Variants in DNAH2 observed in about 807,000 individuals in gnomAD.
DNAH2 encodes the protein dynein axonemal heavy chain 2.
Under a neutral mutation model 523.5 loss-of-function variants are expected in DNAH2, and 323 were observed. The ratio of observed to expected loss-of-function variants is 0.62; its 90% CI spans 0.56 to 0.68. The LOEUF (loss-of-function observed/expected upper bound fraction) is 0.68. Ranked by LOEUF, DNAH2 falls within the 30% of genes least tolerant of loss-of-function variation. The probability of loss-of-function intolerance (pLI) is 0.00; values close to 1 mark genes in which losing one functional copy is unlikely to be tolerated. For synonymous variants in DNAH2, 2,093 were observed against 2,177.4 expected (o/e 0.96, Z 1.08); for missense variants, 4,907 against 5,701.5 (o/e 0.86, Z 4.49).
At chr17:7,751,167 G>T (rs576958942) in intron 12 of DNAH2, among the ~76,000 whole-genome samples, 2 of 149,830 alleles carry the variant, frequency 1.3e-5, no homozygotes, top group East Asian at 3.9e-4. Flanking sequence ...TTTTTGAGGG[G>T]GAGTCTTGCC....
intron 35 of DNAH2, among the ~76,000 whole-genome samples, chr17:7,778,956 A>T (rs181825605): frequency 6.6e-6 from 1 of 152,230 alleles, no homozygotes; most frequent in Non-Finnish European, 1.5e-5. Context: ...ATAAAGGATT[A>T]AAGAAAATAA....
Position 7,779,141 on chromosome 17 carries a change from CG to C in DNAH2, c.5542-101del. ...CCTCCCTGCCCCCTAGTCTGGAGGC[CG>C]CCTCGCCTATTGAAACATTTGAAGG... On this transcript the variant is annotated intron_variant, in intron 35 of 85. Transcript: ENST00000572933. The C allele has an allele frequency of 7.2e-6, 10 of 1,391,874 alleles. 1 individual carries two copies. In the South Asian group the frequency reaches 1.2e-4, roughly 17 times the overall value. 86.2% of individuals were successfully genotyped at this position (1,391,874 alleles called of 1,614,324 possible).
In DNAH2 at chr17:7,754,905, G is replaced by GGCT. The variant is rs2075793552; in HGVS notation, c.1905-2183_1905-2181dup. ...AGAAGGACAGGTGCCACCCACCCCG[G>GGCT]GCTGCCGTCTGCATGGGGCTGGGGT... On this transcript the variant is annotated intron_variant, in intron 12 of 85. Coordinates refer to ENST00000572933, the MANE Select transcript of DNAH2 (RefSeq NM_020877.5). The surrounding 1 kb of genome is among the most constrained non-coding windows in gnomAD (Gnocchi z 4.6). 1.7e-6 allele frequency: 1 copy of GGCT among 573,340 alleles called. No homozygotes were observed. The highest frequency in any genetic ancestry group is 2.4e-5 in the South Asian group (1 of 40,912). 35.5% of individuals were successfully genotyped at this position (573,340 alleles called of 1,614,324 possible). A position where few individuals can be genotyped will look rare whatever the true frequency, so the allele number is the denominator to read the frequency against.
rs1458133061 is a variant in DNAH2 at position 7,830,664 on chromosome 17, G to A, written c.12052G>A (p.Glu4018Lys). 1 of 1,613,896 alleles carries A rather than the reference G, an allele frequency of 6.2e-7. No homozygotes were observed. Among genetic ancestry groups the A allele is most frequent in the African/African-American group, 1.3e-5 (1 of 74,916 alleles). ...GFNDSDFEVS[E>K]NLLSLYLDEY... ...GGGCTGGGATCATGCCTAGGTGTCA[G>A]AAAACTTGCTGAGCCTCTATCTCGA... Residue 4018 changes from glutamate (E) to lysine (K), a missense_variant, in exon 79 of 86, where the codon GAA (glutamate) becomes AAA (lysine). By Grantham distance (56) the Glu-to-Lys change is moderately conservative. Transcript: ENST00000572933.
chr17:7,767,827 G>C, intron 22 of DNAH2, 73 bp from the exon 23 acceptor site: 1 of 1,597,902 alleles, frequency 6.3e-7, no homozygotes, highest in South Asian at 1.1e-5. Flanking sequence ...CGAGAGCAGC[G>C]AAGGGCCTGG....
rs190833848 is a variant in DNAH2, at chr17:7,771,753, A to G, written c.4501+285A>G. On this transcript the variant is annotated intron_variant, in intron 28 of 85. Transcript: ENST00000572933. ...TTTTTTTTGAGACAGAGTTTTGCAC[A>G]TTGCCCAGGCTGGAGTGCAGTGGTG... 8.5e-5 allele frequency among the ~76,000 whole-genome samples: 13 copies of G among 152,060 alleles called. No individual in the cohort carries two copies. In the East Asian group the frequency reaches 2.5e-3, roughly 29 times the overall value.
chr17:7,740,973 G>C lies in DNAH2; in HGVS notation c.1670G>C (p.Arg557Pro). ...CGCTGGGTGCACATCCTCCGGCGTC[G>C]CATCGACAGAGTCATGACCGTAAGT... ...KARWVHILRRRIDRVMTCLAG... is the reference protein window; with the variant it reads ...KARWVHILRRPIDRVMTCLAG... The change falls in exon 11 of 86, where the codon CGC (arginine) becomes CCC (proline). Residue 557 changes from arginine to proline, a missense_variant. Arg to Pro is a moderately radical substitution (Grantham distance 103, BLOSUM62 -2). Transcript: ENST00000572933. 1.2e-6 allele frequency: 2 copies of C among 1,604,210 alleles called. No homozygotes were observed. Among genetic ancestry groups the C allele is most frequent in the South Asian group, 2.2e-5 (2 of 90,768 alleles).
chr17:7,741,286 CTTT>C (rs1567624729), intron 11 of DNAH2, among the ~76,000 whole-genome samples: 9 of 62,356 alleles, frequency 1.4e-4, no homozygotes, highest in South Asian at 8.3e-4. Context: ...TTCTTTCTTT[CTTT>C]CTTTCTTCCT....
intron 77 of DNAH2, among the ~76,000 whole-genome samples, chr17:7,826,339 T>G (rs1200973160): frequency 1.3e-5 from 2 of 152,102 alleles, no homozygotes; most frequent in Non-Finnish European, 2.9e-5. Context: ...TGAGTTTTAC[T>G]TCAAATAAGA....
chr17:7,780,698 T>C lies in DNAH2; in HGVS notation c.5919T>C (p.Tyr1973=), dbSNP rs781233201. The C allele has an allele frequency of 4.3e-6, 7 of 1,614,246 alleles. No homozygotes were observed. Among genetic ancestry groups the C allele is most frequent in the Admixed American group, 1.7e-5 (1 of 60,032 alleles). ...AGCAGCTGTCCAGACAGGACCACTA[T>C]GACTTTGGCCTGCGTGCCCTCACCT... ...AVQQLSRQDH[Y]DFGLRALTSL... is the part of the protein sequence containing the mutation. The change falls in exon 38 of 86, where the codon TAT becomes TAC. Residue 1973 remains tyrosine, a synonymous_variant. Transcript: ENST00000572933. The surrounding 1 kb of genome is among the most constrained non-coding windows in gnomAD (Gnocchi z 4.4).
chr17:7,774,871 C>G lies in DNAH2; in HGVS notation c.4614C>G (p.Ser1538=), dbSNP rs1437996282. Residue 1538 remains serine (S), a synonymous_variant, in exon 29 of 86, where the codon TCC becomes TCG. Transcript: ENST00000572933. ...RHIFPRFYFL[S]NDDLLEILGQ... ...TTTTCCCCCGCTTCTACTTCTTGTC[C>G]AATGATGACCTGCTGGAGATTCTGG... 4 of 1,614,168 alleles carry G rather than the reference C, an allele frequency of 2.5e-6. No homozygotes were observed. Among genetic ancestry groups the G allele is most frequent in the Non-Finnish European group, 3.4e-6 (4 of 1,180,030 alleles).
chr17:7,775,240 G>C lies in DNAH2; in HGVS notation c.4720-1G>C, dbSNP rs1299147155. On this transcript the variant is annotated splice_acceptor_variant, in intron 29 of 85. Transcript: ENST00000572933. LOFTEE classifies it high-confidence loss of function. ...CTCTGAGTAGCTTCTGCTTTCTGCA[G>C]GTTGGAGGGCCCAGCAGCAAATGGG... The C allele has an allele frequency of 8.7e-6, 14 of 1,612,138 alleles. No individual in the cohort carries two copies. The highest frequency in any genetic ancestry group is 1.2e-5 in the Non-Finnish European group (14 of 1,179,138).
In DNAH2 at chr17:7,793,104, A is replaced by G. The variant is rs1567708158; in HGVS notation, c.7468A>G (p.Lys2490Glu). 6.2e-7 allele frequency: 1 copy of G among 1,614,198 alleles called. No individual in the cohort carries two copies. The highest frequency in any genetic ancestry group is 1.7e-5 in the Admixed American group (1 of 60,024). ...TATGGATGACCTAAATATGCCCGCT[A>G]AGGACATGTTTGGGTCCCAGCCACC... is the stretch of plus-strand genomic sequence containing the variant. ...TFMDDLNMPA[K>E]DMFGSQPPLE... is the part of the protein sequence containing the mutation. The change falls in exon 48 of 86, where the codon AAG becomes GAG. Residue 2490 changes from lysine to glutamate, a missense_variant. Physicochemically the swap from Lys to Glu is moderately conservative, Grantham distance 56. Transcript: ENST00000572933.
At chr17:7,740,713 G>T (rs369973908) in intron 10 of DNAH2, 97 bp from the exon 11 acceptor site, 6 of 1,532,612 alleles carry the variant, frequency 3.9e-6, no homozygotes, top group South Asian at 3.8e-5. Context: ...CCGGGAGTGT[G>T]ACTCCCGCAG....
chr17:7,738,176 G>C (rs2075198424), intron 8 of DNAH2: 1 of 697,086 alleles, frequency 1.4e-6, no homozygotes, highest in Non-Finnish European at 2.6e-6. Context: ...AGCCCTGTAA[G>C]AGGGTAGATT....
chr17:7,722,189 G>T (rs1429118926), intron 2 of DNAH2, among the ~76,000 whole-genome samples: 14 of 10,618 alleles, frequency 1.3e-3, no homozygotes, highest in South Asian at 4.4e-3. Context: ...TATAGAGACG[G>T]GGGGGGGGGT....
chr17:7,765,322 G>T, intron 20 of DNAH2, 69 bp from the exon 21 acceptor site: 2 of 1,402,144 alleles, frequency 1.4e-6, no homozygotes. Flanking sequence ...TCCTGCTCCT[G>T]GTCATCCTCC....
chr17:7,820,591 A>T (rs932821972), intron 72 of DNAH2, among the ~76,000 whole-genome samples: 2 of 152,210 alleles, frequency 1.3e-5, no homozygotes, highest in Admixed American at 1.3e-4. Context: ...AAACTTTCCA[A>T]GTCCAGCAGG....
intron 12 of DNAH2, chr17:7,743,603 C>A (rs1270710950): frequency 1.9e-6 from 1 of 522,824 alleles, no homozygotes; most frequent in East Asian, 3.4e-5. Flanking sequence ...GAGGCAGAGG[C>A]TGCAGTGAGC....
Sources: allele counts gnomAD v4.1 joint callset (sites outside exome capture counted in the v4.1 genomes callset), GRCh38; gene constraint gnomAD v4.1.1; non-coding constraint Gnocchi (gnomAD v3.1); transcripts MANE v1.5; gene names NCBI Gene and HGNC (gene_info 2026-07-23, HGNC 2026-07-21).